DNAH12: variants seen among roughly 807,000 people sequenced by gnomAD.
DNAH12 encodes the protein axonemal beta dynein heavy chain 12.
In DNAH12, 285 loss-of-function variants were observed where a neutral mutation model predicts 371.5. The ratio of observed to expected loss-of-function variants is 0.77; its 90% CI spans 0.70 to 0.85. The LOEUF is 0.85. DNAH12 is among the 40% of genes least tolerant of loss of function. DNAH12 has a pLI of 0.00. For synonymous variants in DNAH12, 1,200 were observed against 1,213.0 expected, an observed-to-expected ratio of 0.99 and a Z score of 0.22; for missense variants, 3,611 against 3,689.4, an observed-to-expected ratio of 0.98 and a Z score of 0.55.
chr3:57,472,560 C>G lies in DNAH12; in HGVS notation c.1762G>C (p.Asp588His). 2 of 1,548,796 alleles carry G rather than the reference C, an allele frequency of 1.3e-6. No homozygotes were observed. The highest frequency in any genetic ancestry group is 1.2e-5 in the South Asian group (1 of 82,936). The change falls in exon 14 of 74, where the codon GAT (aspartate) becomes CAT (histidine). Residue 588 changes from aspartate (D) to histidine (H), a missense_variant. Physicochemically the swap from Asp to His is moderately conservative, Grantham distance 81. Around this residue, in one of 3 missense-constraint regions of DNAH12, gnomAD observed 1,314 missense variants for 1,398.7 expected, o/e 0.94. Transcript: ENST00000495027. ...MWPRKINPIF[D>H]ENDELIENAK... ...AATATATTTACCTCATCATTTTCAT[C>G]AAAGATGGGATTAATTTTCCTAGGC...
chr3:57,322,716 G>A (rs967253960), intron 64 of DNAH12, among the ~76,000 whole-genome samples: 21 of 152,134 alleles, frequency 1.4e-4, no homozygotes, highest in Non-Finnish European at 3.1e-4. Context: ...GATCACCTGA[G>A]GTCAGGAGTT....
chr3:57,398,824 A>G (rs1328080881), intron 43 of DNAH12, among the ~76,000 whole-genome samples: 1 of 152,210 alleles, frequency 6.6e-6, no homozygotes, highest in Non-Finnish European at 1.5e-5. Context: ...TTGAAACAAA[A>G]GAACCTAGAA....
intron 2 of DNAH12, among the ~76,000 whole-genome samples, chr3:57,531,966 CT>C (rs2068865495): frequency 6.6e-6 from 1 of 152,022 alleles, no homozygotes; most frequent in Non-Finnish European, 1.5e-5. Flanking sequence ...GCCAATTACT[CT>C]TAGATTTGCC....
At chr3:57,433,622 G>A in intron 31 of DNAH12, 23 bp downstream of exon 31, 3 of 1,539,204 alleles carry the variant, frequency 1.9e-6, no homozygotes, top group Non-Finnish European at 2.6e-6. Flanking sequence ...TAAGAGAGTT[G>A]GGAATACTTA....
At chr3:57,353,363 G>T (rs1257485608) in intron 59 of DNAH12, among the ~76,000 whole-genome samples, 3 of 151,734 alleles carry the variant, frequency 2.0e-5, no homozygotes, top group African/African-American at 4.8e-5. Flanking sequence ...CATGATCACA[G>T]CTCATTACAA....
Position 57,429,698 on chromosome 3 carries a change from T to C in DNAH12, c.5057A>G (p.Gln1686Arg), listed in dbSNP as rs1344722488. Reference protein sequence around the residue: ...SLIFETMDLSQASPATVSRCG... With the variant: ...SLIFETMDLSRASPATVSRCG... ...ATTAAATTATGAACTTACGGATGCC[T>C]GGGAAAGGTCCATTGTTTCAAAGAT... Residue 1686 changes from glutamine (Q) to arginine (R), a missense_variant, in exon 33 of 74, where the codon CAG (glutamine) becomes CGG (arginine). This residue lies in a region of DNAH12 where 2,266 missense variants were observed against 2,236.9 expected (regional missense o/e 1.01). Coordinates refer to ENST00000495027, the MANE Select transcript of DNAH12 (RefSeq NM_001366028.2). 3 of 1,535,282 alleles carry C rather than the reference T, an allele frequency of 2.0e-6. No homozygotes were observed. The highest frequency in any genetic ancestry group is 1.8e-6 in the Non-Finnish European group (2 of 1,141,502).
At chr3:57,430,230 T>G (rs971315550) in intron 32 of DNAH12, among the ~76,000 whole-genome samples, 1 of 152,130 alleles carries the variant, frequency 6.6e-6, no homozygotes. Flanking sequence ...CATATTGCCA[T>G]TACCTTTTTA....
At chr3:57,325,255 G>T (rs532318647) in intron 62 of DNAH12, among the ~76,000 whole-genome samples, 1 of 152,308 alleles carries the variant, frequency 6.6e-6, no homozygotes, top group Non-Finnish European at 1.5e-5. Flanking sequence ...TCTGAGAACG[G>T]GCAGACTGCC....
rs774254037 is a variant in DNAH12, at chr3:57,454,772, T to C, written c.3456+3A>G. The C allele has an allele frequency of 6.4e-7, 1 of 1,550,584 alleles. No homozygotes were observed. The highest frequency in any genetic ancestry group is 1.2e-5 in the South Asian group (1 of 83,684). ...TGTTACTTAAAAGCAAACAATGCTT[T>C]ACCTCCGTCCCGCCACTTATCACTT... is the stretch of plus-strand genomic sequence containing the variant. On this transcript the variant is annotated splice_donor_region_variant and intron_variant, in intron 23 of 73. Coordinates refer to ENST00000495027, the MANE Select transcript of DNAH12 (RefSeq NM_001366028.2).
In DNAH12 at chr3:57,502,445, G is replaced by T. The variant is rs1357934227; in HGVS notation, c.1121C>A (p.Thr374Asn). ...TGTGTCAAGATTTACTGGTGTTGAA[G>T]TTCCTGATAGCCAAGAGGGGATTGT... is the stretch of plus-strand genomic sequence containing the variant. ...VQTIPSWLSG[T>N]STPVNLDTEL... The change falls in exon 10 of 74, where the codon ACT becomes AAT. Residue 374 changes from threonine to asparagine, a missense_variant. This residue lies in a region of DNAH12 where 1,314 missense variants were observed against 1,398.7 expected (regional missense o/e 0.94). Transcript: ENST00000495027. 1 of 1,614,140 alleles carries T rather than the reference G, an allele frequency of 6.2e-7. No homozygotes were observed. Among genetic ancestry groups the T allele is most frequent in the African/African-American group, 1.3e-5 (1 of 75,034 alleles).
intron 58 of DNAH12, among the ~76,000 whole-genome samples, chr3:57,362,235 A>G (rs2062953725): frequency 6.6e-6 from 1 of 152,174 alleles, no homozygotes; most frequent in Admixed American, 6.5e-5. Context: ...CATGGTCTAT[A>G]TGTGCCACAT....
chr3:57,311,767 C>T (rs963752914), intron 66 of DNAH12, among the ~76,000 whole-genome samples: 1 of 152,182 alleles, frequency 6.6e-6, no homozygotes, highest in Non-Finnish European at 1.5e-5. Context: ...AGACTTTTCA[C>T]AATGTGATTA....
At chr3:57,381,875 A>ATAT (rs1340335029) in intron 50 of DNAH12, among the ~76,000 whole-genome samples, 4 of 148,566 alleles carry the variant, frequency 2.7e-5, no homozygotes, top group South Asian at 4.2e-4. Context: ...ATATATATAT[A>ATAT]TTTTTTTTTT....
rs549107182 is a variant in DNAH12, at chr3:57,483,269, G to A, written c.1650+107C>T. 1.1e-4 allele frequency: 149 copies of A among 1,357,922 alleles called. 1 individual carries two copies. Among genetic ancestry groups the A allele is most frequent in the South Asian group, 8.6e-4 (62 of 72,206 alleles). The allele number at this position is 1,357,922 out of a possible 1,614,324, so 84.1% of individuals were successfully genotyped here. ...TGGCCTAGGTGGTGGCAATATAACCGCTCAATTTACAGCTATTTGTGTAAC... is the reference window on the plus strand; with the variant it reads ...TGGCCTAGGTGGTGGCAATATAACCACTCAATTTACAGCTATTTGTGTAAC... On this transcript the variant is annotated intron_variant, in intron 13 of 73. Coordinates refer to ENST00000495027, the MANE Select transcript of DNAH12 (RefSeq NM_001366028.2).
intron 12 of DNAH12, among the ~76,000 whole-genome samples, chr3:57,487,380 A>AG (rs2066965519): frequency 1.4e-5 from 2 of 143,442 alleles, no homozygotes; most frequent in African/African-American, 2.6e-5. Context: ...AAAGAAAAAA[A>AG]AAAAGAAAGA....
chr3:57,376,723 C>T (rs1434400061), intron 53 of DNAH12, among the ~76,000 whole-genome samples: 1 of 152,170 alleles, frequency 6.6e-6, no homozygotes, highest in Non-Finnish European at 1.5e-5. Flanking sequence ...CAAACAACTA[C>T]ATACTTACCA....
chr3:57,499,647 A>ATATATATATATATATAT (rs1553711615), intron 11 of DNAH12, among the ~76,000 whole-genome samples: 37 of 17,920 alleles, frequency 2.1e-3, no homozygotes, highest in Non-Finnish European at 3.5e-3. Context: ...AAAAAAAAAA[A>ATATATATATATATATAT]ATATATATAT....
chr3:57,338,025 T>C (rs2062272678), intron 60 of DNAH12, among the ~76,000 whole-genome samples: 1 of 149,946 alleles, frequency 6.7e-6, no homozygotes, highest in Admixed American at 6.6e-5. Context: ...CTCTCTCTTC[T>C]CTCTCTTTCC....
Position 57,506,648 on chromosome 3 carries a change from G to A in DNAH12, c.897+995C>T, listed in dbSNP as rs185491822. On this transcript the variant is annotated intron_variant, in intron 8 of 73. Transcript: ENST00000495027. Reference sequence around the variant, plus strand: ...GTAGAGAGGAGGTTTTGCCATGTTGGCCAGGCTGGTCTTGAACTCCTGAGC... The same window carrying A: ...GTAGAGAGGAGGTTTTGCCATGTTGACCAGGCTGGTCTTGAACTCCTGAGC... 1.2e-4 allele frequency among the ~76,000 whole-genome samples: 18 copies of A among 151,960 alleles called. No individual in the cohort carries two copies. In the South Asian group the frequency reaches 2.3e-3, roughly 19 times the overall value.
Sources: allele counts gnomAD v4.1 joint callset (sites outside exome capture counted in the v4.1 genomes callset), GRCh38; gene constraint gnomAD v4.1.1; regional missense constraint gnomAD v4.1.1; transcripts MANE v1.5; gene names NCBI Gene and HGNC (gene_info 2026-07-23, HGNC 2026-07-21).